ST18: variants seen among roughly 807,000 people sequenced by gnomAD.
The protein encoded by ST18 is ST18 C2H2C-type zinc finger transcription factor.
Under a neutral mutation model 110.0 loss-of-function variants are expected in ST18, and 50 were observed. That is an observed-to-expected ratio of 0.45 (90% CI 0.36 to 0.58). The LOEUF is 0.58. Ranked by LOEUF, ST18 falls within the 20% of genes least tolerant of loss-of-function variation. The pLI is 0.00. For synonymous variants in ST18, 461 were observed against 452.4 expected (o/e 1.02, Z -0.24); for missense variants, 1,306 against 1,280.1 (o/e 1.02, Z -0.31).
intron 8 of ST18, 141 bp downstream of exon 8, chr8:52,211,938 C>T: frequency 1.3e-6 from 1 of 768,470 alleles, no homozygotes. Flanking sequence ...CTTCTTGGTG[C>T]ATACACAACG....
At chr8:52,131,807 T>C in intron 22 of ST18, 151 bp downstream of exon 22, 1 of 611,726 alleles carries the variant, frequency 1.6e-6, no homozygotes, top group East Asian at 2.8e-5. Context: ...TTCATGCTCA[T>C]CCAGTATCTA....
At chr8:52,201,622 CA>C (rs1382632564) in intron 8 of ST18, among the ~76,000 whole-genome samples, 1 of 151,000 alleles carries the variant, frequency 6.6e-6, no homozygotes, top group Non-Finnish European at 1.5e-5. Context: ...AACAAAAAAA[CA>C]AAAAAACTGC....
intron 22 of ST18, among the ~76,000 whole-genome samples, chr8:52,130,002 G>T (rs2048581437): frequency 6.6e-6 from 1 of 150,828 alleles, no homozygotes; most frequent in Admixed American, 6.6e-5. Context: ...CCGAGGTCGA[G>T]CCCACTGCAC....
At chr8:52,242,339 T>C (rs1176673640) in intron 2 of ST18, among the ~76,000 whole-genome samples, 3 of 152,188 alleles carry the variant, frequency 2.0e-5, no homozygotes, top group Non-Finnish European at 4.4e-5. Context: ...AGGCAGACTG[T>C]TGGGTGGCTG....
intron 2 of ST18, among the ~76,000 whole-genome samples, chr8:52,300,786 G>A (rs1014980958): frequency 2.0e-5 from 3 of 152,114 alleles, no homozygotes; most frequent in Admixed American, 2.0e-4. Context: ...GATGATGACC[G>A]TATGGCCCAC....
At chr8:52,179,506 G>A (rs2068466874) in intron 9 of ST18, among the ~76,000 whole-genome samples, 1 of 152,126 alleles carries the variant, frequency 6.6e-6, no homozygotes, top group Non-Finnish European at 1.5e-5. Flanking sequence ...AAGAAGACTA[G>A]TCTGCCAACT....
At chr8:52,189,107 T>C (rs1327179141) in intron 8 of ST18, among the ~76,000 whole-genome samples, 1 of 152,162 alleles carries the variant, frequency 6.6e-6, no homozygotes, top group East Asian at 1.9e-4. Flanking sequence ...AGATGATGAA[T>C]ACATGCTTCC....
intron 2 of ST18, among the ~76,000 whole-genome samples, chr8:52,333,599 G>C (rs752980863): frequency 2.0e-5 from 3 of 152,144 alleles, no homozygotes; most frequent in Non-Finnish European, 4.4e-5. Flanking sequence ...AACTGGGGTG[G>C]GGGCGAAGCC....
chr8:52,284,724 G>A (rs879305178), intron 2 of ST18, among the ~76,000 whole-genome samples: 13 of 152,096 alleles, frequency 8.5e-5, no homozygotes, highest in Non-Finnish European at 1.3e-4. Flanking sequence ...CCAGAGCTTC[G>A]AGAACTGAGA....
intron 9 of ST18, among the ~76,000 whole-genome samples, 164 bp from the exon 10 acceptor site, chr8:52,172,747 T>C (rs1455776593): frequency 1.3e-5 from 2 of 152,188 alleles, no homozygotes; most frequent in Admixed American, 6.5e-5. Context: ...ATATCATCTC[T>C]ATTAATTTTA....
chr8:52,309,550 C>T lies in ST18; in HGVS notation c.-464-79473G>A, dbSNP rs555312974. 1.4e-4 allele frequency among the ~76,000 whole-genome samples: 19 copies of T among 132,448 alleles called. No individual in the cohort carries two copies. The East Asian group carries it at 4.3e-3, about 30-fold the overall frequency. The allele number at this position is 132,448 out of a possible 152,430, so 86.9% of individuals were successfully genotyped here. A position where few individuals can be genotyped will look rare whatever the true frequency, so the allele number is the denominator to read the frequency against. On this transcript the variant is annotated intron_variant, in intron 2 of 25. Coordinates refer to ENST00000689386, the MANE Select transcript of ST18 (RefSeq NM_001352837.2). ...AAAAAAAAAAAAAAAAAAAAGAAAT[C>T]ACGTGGCTCATGGAAACTATGAAAT...
chr8:52,115,993 T>A (rs2042398508), intron 25 of ST18, among the ~76,000 whole-genome samples: 1 of 152,158 alleles, frequency 6.6e-6, no homozygotes, highest in African/African-American at 2.4e-5. Flanking sequence ...AGTTTTGCCC[T>A]TCAACTTTCA....
chr8:52,121,642 C>T (rs1220499185), intron 23 of ST18, among the ~76,000 whole-genome samples: 3 of 152,086 alleles, frequency 2.0e-5, no homozygotes, highest in East Asian at 1.9e-4. Context: ...AGTGGTACAG[C>T]GGGAATTCAA....
chr8:52,268,663 G>A (rs73679006), intron 2 of ST18, among the ~76,000 whole-genome samples: 5,930 of 152,154 alleles, frequency 0.039, 402 homozygotes, highest in African/African-American at 0.14. Context: ...AAATCTAGAG[G>A]AGCGGTAAAG....
chr8:52,225,106 T>C (rs1185304455), intron 3 of ST18, among the ~76,000 whole-genome samples: 2 of 152,236 alleles, frequency 1.3e-5, no homozygotes, highest in African/African-American at 4.8e-5. Flanking sequence ...GGCATAACAG[T>C]ATTTGTATTT....
At chr8:52,289,843 C>T (rs1189173368) in intron 2 of ST18, among the ~76,000 whole-genome samples, 2 of 152,080 alleles carry the variant, frequency 1.3e-5, no homozygotes, top group Non-Finnish European at 2.9e-5. Context: ...ATACTCATAT[C>T]TACAGGGTTG....
intron 2 of ST18, among the ~76,000 whole-genome samples, chr8:52,367,524 T>C (rs564590500): frequency 1.3e-5 from 2 of 152,292 alleles, no homozygotes; most frequent in African/African-American, 4.8e-5. Context: ...TATATAAAGG[T>C]CATTGATGTA....
At chr8:52,184,765 C>A (rs978449660) in intron 8 of ST18, among the ~76,000 whole-genome samples, 3 of 152,110 alleles carry the variant, frequency 2.0e-5, no homozygotes, top group Non-Finnish European at 4.4e-5. Flanking sequence ...ACATTCTGGG[C>A]ACACATCCCC....
chr8:52,278,855 A>G (rs935211044), intron 2 of ST18, among the ~76,000 whole-genome samples: 3 of 152,140 alleles, frequency 2.0e-5, no homozygotes, highest in Non-Finnish European at 4.4e-5. Context: ...TGGCCCCTAA[A>G]AAGGCCAAGT....
Sources: allele counts gnomAD v4.1 joint callset (sites outside exome capture counted in the v4.1 genomes callset), GRCh38; gene constraint gnomAD v4.1.1; transcripts MANE v1.5; gene names NCBI Gene and HGNC (gene_info 2026-07-23, HGNC 2026-07-21).